Variants in DGKB observed in about 807,000 individuals in gnomAD.
DGKB encodes the protein diacylglycerol kinase beta.
In DGKB, 67 loss-of-function variants were observed where a neutral mutation model predicts 114.3. That is an observed-to-expected ratio of 0.59 (90% CI 0.48 to 0.72). The LOEUF is 0.72. Ranked by LOEUF, DGKB falls within the 30% of genes least tolerant of loss-of-function variation. DGKB has a pLI of 0.00. For synonymous variants in DGKB, 398 were observed against 323.1 expected (o/e 1.23, Z -2.49); for missense variants, 907 against 975.2 (o/e 0.93, Z 0.93).
chr7:14,777,815 C>T (rs1838430842), intron 2 of DGKB, among the ~76,000 whole-genome samples: 1 of 152,128 alleles, frequency 6.6e-6, no homozygotes, highest in South Asian at 2.1e-4. Context: ...GGTCAACGGG[C>T]TCACAGAATT....
chr7:14,362,748 T>C (rs1815980204), intron 21 of DGKB, among the ~76,000 whole-genome samples: 1 of 152,116 alleles, frequency 6.6e-6, no homozygotes, highest in African/African-American at 2.4e-5. Flanking sequence ...ATTATATTAT[T>C]TTGTATTGTA....
chr7:14,333,696 A>C (rs1810152379), intron 23 of DGKB, among the ~76,000 whole-genome samples: 1 of 152,160 alleles, frequency 6.6e-6, no homozygotes, highest in African/African-American at 2.4e-5. Flanking sequence ...ATAGACTTGG[A>C]TCTTCAAAGC....
At chr7:14,829,809 A>T (rs1846173596) in intron 2 of DGKB, among the ~76,000 whole-genome samples, 1 of 152,132 alleles carries the variant, frequency 6.6e-6, no homozygotes, top group Non-Finnish European at 1.5e-5. Context: ...TGGAAAAGAC[A>T]AAACATATTA....
intron 23 of DGKB, among the ~76,000 whole-genome samples, chr7:14,328,708 G>A (rs893405943): frequency 1.3e-5 from 2 of 151,978 alleles, no homozygotes; most frequent in African/African-American, 4.8e-5. Flanking sequence ...AAATAACAGT[G>A]CAGCATTCAG....
At chr7:14,358,416 C>T (rs1014677271) in intron 21 of DGKB, among the ~76,000 whole-genome samples, 4 of 152,180 alleles carry the variant, frequency 2.6e-5, no homozygotes, top group Middle Eastern at 6.8e-3. Context: ...ACGTAGTTCT[C>T]GTGCCATGGT....
At chr7:14,571,591 G>A (rs992096218) in intron 20 of DGKB, among the ~76,000 whole-genome samples, 2 of 152,122 alleles carry the variant, frequency 1.3e-5, no homozygotes, top group African/African-American at 4.8e-5. Context: ...GATTTGCAAG[G>A]CTACACAAAT....
chr7:14,634,804 T>C (rs1810429541), intron 13 of DGKB, among the ~76,000 whole-genome samples: 1 of 151,680 alleles, frequency 6.6e-6, no homozygotes, highest in African/African-American at 2.4e-5. Context: ...GTTTTTTTTA[T>C]ATTTCAGTTT....
rs541446847 is a variant in DGKB at position 14,238,540 on chromosome 7, T to A, written c.2123-60389A>T. Among the ~76,000 whole-genome samples, 3 of 152,038 alleles carry A rather than the reference T, an allele frequency of 2.0e-5. No homozygotes were observed. In the South Asian group the frequency reaches 6.2e-4, roughly 32 times the overall value. On this transcript the variant is annotated intron_variant, in intron 23 of 25. Transcript: ENST00000402815. ...GGAATTTCCAGGCTACATTTTGGGCTTAACAAGAATAACTTTTCTTAGAGT... is the reference window on the plus strand; with the variant it reads ...GGAATTTCCAGGCTACATTTTGGGCATAACAAGAATAACTTTTCTTAGAGT...
intron 19 of DGKB, among the ~76,000 whole-genome samples, chr7:14,578,074 T>A (rs540209506): frequency 6.6e-6 from 1 of 152,158 alleles, no homozygotes; most frequent in Admixed American, 6.5e-5. Flanking sequence ...GTTTCCTCCA[T>A]GCAGTTCTGG....
chr7:14,744,525 G>A (rs1832992545), intron 4 of DGKB, among the ~76,000 whole-genome samples: 1 of 152,162 alleles, frequency 6.6e-6, no homozygotes, highest in Non-Finnish European at 1.5e-5. Flanking sequence ...AAGAAGAGAG[G>A]AATTCACCCA....
chr7:14,367,882 G>A (rs1816946030), intron 21 of DGKB, among the ~76,000 whole-genome samples: 1 of 151,906 alleles, frequency 6.6e-6, no homozygotes, highest in African/African-American at 2.4e-5. Flanking sequence ...AACAGCATGG[G>A]AGAAACCACC....
chr7:14,529,014 A>G lies in DGKB; in HGVS notation c.1770+45198T>C, dbSNP rs116275096. On this transcript the variant is annotated intron_variant, in intron 20 of 25. Transcript: ENST00000402815. Reference sequence around the variant, plus strand: ...ATCAAGGGGGTAGTTTAACTTCATTAGCAATTACTGGGACCCAAGTTGGAG... The same window carrying G: ...ATCAAGGGGGTAGTTTAACTTCATTGGCAATTACTGGGACCCAAGTTGGAG... Among the ~76,000 whole-genome samples the G allele has an allele frequency of 4.4e-3, 665 of 152,178 alleles. 5 individuals carry two copies. The highest frequency in any genetic ancestry group is 0.015 in the African/African-American group (636 of 41,558).
At chr7:14,663,743 T>A (rs1046526708) in intron 13 of DGKB, among the ~76,000 whole-genome samples, 21 of 143,788 alleles carry the variant, frequency 1.5e-4, no homozygotes, top group African/African-American at 5.3e-4. Flanking sequence ...CCTTTCTCTC[T>A]CTGTCTCATA....
intron 21 of DGKB, among the ~76,000 whole-genome samples, chr7:14,426,031 T>G (rs1165807837): frequency 6.6e-6 from 1 of 152,170 alleles, no homozygotes; most frequent in Non-Finnish European, 1.5e-5. Context: ...CTGAAACTCC[T>G]GTATTTTTTG....
chr7:14,357,690 A>G (rs369400333), intron 21 of DGKB, among the ~76,000 whole-genome samples: 1 of 152,098 alleles, frequency 6.6e-6, no homozygotes, highest in Non-Finnish European at 1.5e-5. Flanking sequence ...TCTTCATAGC[A>G]TTGATGGTCT....
intron 23 of DGKB, among the ~76,000 whole-genome samples, chr7:14,310,673 G>T (rs1280913182): frequency 6.6e-6 from 1 of 152,136 alleles, no homozygotes; most frequent in Non-Finnish European, 1.5e-5. Context: ...GACTGATAAA[G>T]TAGATAACAG....
intron 21 of DGKB, among the ~76,000 whole-genome samples, chr7:14,474,440 C>T (rs1013272837): frequency 4.6e-5 from 7 of 152,282 alleles, no homozygotes; most frequent in Admixed American, 2.6e-4. Flanking sequence ...TTATCAGCAG[C>T]GTGAAAACAG....
In DGKB at chr7:14,149,248, A is replaced by AAGAG. The variant is rs145349934; in HGVS notation, c.2305-14_2305-11dup. 96 of 1,535,826 alleles carry AAGAG rather than the reference A, an allele frequency of 6.3e-5. No homozygotes were observed. The highest frequency in any genetic ancestry group is 4.3e-4 in the South Asian group (37 of 85,810). On this transcript the variant is annotated splice_polypyrimidine_tract_variant and intron_variant, in intron 25 of 25. Coordinates refer to ENST00000402815, the MANE Select transcript of DGKB (RefSeq NM_001350709.2). ...TGTGTGTAATTTTTATCTAGAAAAA[A>AAGAG]AGAGAGAGAGAGAGAGAGAAAGAAT...
intron 23 of DGKB, among the ~76,000 whole-genome samples, chr7:14,276,248 G>T (rs541526920): frequency 1.2e-4 from 18 of 152,220 alleles, no homozygotes. Flanking sequence ...GTAAATCTAT[G>T]CATCATTCTC....
Sources: gnomAD v4.1 joint callset for allele counts (sites outside exome capture counted in the v4.1 genomes callset) on GRCh38, gnomAD v4.1.1 for gene constraint, MANE v1.5 for transcripts, NCBI Gene and HGNC (gene_info 2026-07-23, HGNC 2026-07-21) for gene names.